Variants in RALGPS1 observed in about 807,000 individuals in gnomAD.
The protein encoded by RALGPS1 is ras-specific guanine nucleotide-releasing factor RalGPS1.
Under a neutral mutation model 78.8 loss-of-function variants are expected in RALGPS1, and 19 were observed. The ratio of observed to expected loss-of-function variants is 0.24; its 90% CI spans 0.17 to 0.35. The LOEUF is 0.35. RALGPS1 is among the 10% of genes least tolerant of loss of function. RALGPS1 has a pLI of 1.00. For synonymous variants in RALGPS1, 228 were observed against 256.3 expected (o/e 0.89, Z 1.06); for missense variants, 454 against 688.3 (o/e 0.66, Z 3.81).
At chr9:126,967,695 C>T (rs919148548) in intron 3 of RALGPS1, among the ~76,000 whole-genome samples, 2 of 152,110 alleles carry the variant, frequency 1.3e-5, no homozygotes, top group African/African-American at 2.4e-5. Flanking sequence ...TACCACCATG[C>T]CCTGCTAATT....
chr9:126,942,523 C>A (rs906851568), intron 1 of RALGPS1, among the ~76,000 whole-genome samples: 3 of 152,198 alleles, frequency 2.0e-5, no homozygotes, highest in Non-Finnish European at 4.4e-5. Flanking sequence ...ATATGCTACT[C>A]CTCACATATA....
chr9:127,052,740 T>C, intron 6 of RALGPS1, 107 bp from the exon 7 acceptor site: 1 of 715,792 alleles, frequency 1.4e-6, no homozygotes, highest in Non-Finnish European at 2.4e-6. Context: ...ATGAGATATT[T>C]TTAAGTGTAA....
In RALGPS1 at chr9:127,122,183, G is replaced by A. The variant is rs552383939; in HGVS notation, c.611-43886G>A. 2.6e-5 allele frequency: 4 copies of A among 152,394 alleles called. No homozygotes were observed. Among genetic ancestry groups the A allele is most frequent in the East Asian group, 1.9e-4 (1 of 5,164 alleles). The allele number at this position is 152,394 out of a possible 1,614,324, so 9.4% of individuals were successfully genotyped here. A position where few individuals can be genotyped will look rare whatever the true frequency, so the allele number is the denominator to read the frequency against. Reference sequence around the variant, plus strand: ...ATGCCTCGTTTGGCTCCAAGCGATAGCAGGGAGTGACCCTCTGAGATCCAG... The same window carrying A: ...ATGCCTCGTTTGGCTCCAAGCGATAACAGGGAGTGACCCTCTGAGATCCAG... On this transcript the variant is annotated intron_variant, in intron 8 of 18. Transcript: ENST00000259351. This position sits in a 1 kb window ranked among gnomAD's most constrained non-coding sequence, Gnocchi z 6.4.
chr9:127,209,622 C>T (rs1312286825), intron 14 of RALGPS1, among the ~76,000 whole-genome samples: 3 of 152,098 alleles, frequency 2.0e-5, no homozygotes, highest in African/African-American at 2.4e-5. Context: ...GCAGGAGGCT[C>T]GGGGGCCTGG....
intron 4 of RALGPS1, among the ~76,000 whole-genome samples, chr9:127,021,959 A>G (rs1412203859): frequency 6.6e-6 from 1 of 152,072 alleles, no homozygotes; most frequent in Admixed American, 6.6e-5. Context: ...GGAAATTTGC[A>G]TCATCTTCCT....
intron 8 of RALGPS1, among the ~76,000 whole-genome samples, chr9:127,162,837 A>G (rs2059098368): frequency 6.6e-6 from 1 of 152,174 alleles, no homozygotes; most frequent in East Asian, 1.9e-4. Flanking sequence ...TACTTGAGAA[A>G]AGGCAACTCC....
chr9:126,975,343 T>C (rs1322239872), intron 3 of RALGPS1, among the ~76,000 whole-genome samples: 1 of 152,244 alleles, frequency 6.6e-6, no homozygotes, highest in African/African-American at 2.4e-5. Flanking sequence ...AAATGTAAGG[T>C]CACTGCTTTA....
intron 8 of RALGPS1, among the ~76,000 whole-genome samples, chr9:127,082,978 G>A (rs1000948594): frequency 6.6e-6 from 1 of 152,190 alleles, no homozygotes; most frequent in African/African-American, 2.4e-5. Flanking sequence ...ATGTTAGTTA[G>A]CCACCTGGGC....
At chr9:127,161,108 G>A (rs545166277) in intron 8 of RALGPS1, among the ~76,000 whole-genome samples, 6 of 152,378 alleles carry the variant, frequency 3.9e-5, no homozygotes, top group African/African-American at 1.2e-4. Flanking sequence ...GTAACTCTGT[G>A]TAAATAGGAA....
chr9:127,154,686 G>A (rs997419913), intron 8 of RALGPS1, among the ~76,000 whole-genome samples: 3 of 152,222 alleles, frequency 2.0e-5, no homozygotes, highest in Admixed American at 1.3e-4. Flanking sequence ...AATGAGTAAA[G>A]CTGACAGTTT....
intron 4 of RALGPS1, among the ~76,000 whole-genome samples, chr9:127,003,654 A>G (rs1015055161): frequency 5.3e-5 from 8 of 152,180 alleles, no homozygotes; most frequent in African/African-American, 1.9e-4. Context: ...TATTTAGCTT[A>G]ATAGATACTG....
intron 8 of RALGPS1, among the ~76,000 whole-genome samples, chr9:127,118,445 T>C (rs1055537973): frequency 5.9e-5 from 9 of 152,252 alleles, no homozygotes; most frequent in African/African-American, 2.2e-4. Context: ...AGAAATGCTA[T>C]TCAATGAATT....
chr9:127,108,183 G>A (rs749980712), intron 8 of RALGPS1: 37 of 1,613,980 alleles, frequency 2.3e-5, no homozygotes, highest in Middle Eastern at 3.3e-4. Flanking sequence ...CCAGGTGCTG[G>A]TACTTGTGCT....
intron 3 of RALGPS1, among the ~76,000 whole-genome samples, chr9:126,975,014 A>G (rs1273444876): frequency 1.3e-5 from 2 of 151,670 alleles, no homozygotes; most frequent in South Asian, 2.1e-4. Context: ...TCAAACTTCC[A>G]GGGAAGGATT....
chr9:127,212,929 G>T lies in RALGPS1; in HGVS notation c.1447-15G>T. ...CTGGGCCCCGGTCTCCGGATGTGTT[G>T]TTGCTCTCCTCCAGTATAAATCCAC... is the stretch of plus-strand genomic sequence containing the variant. On this transcript the variant is annotated splice_polypyrimidine_tract_variant and intron_variant, in intron 16 of 18. Coordinates refer to ENST00000259351, the MANE Select transcript of RALGPS1 (RefSeq NM_014636.3). This position sits in a 1 kb window ranked among gnomAD's most constrained non-coding sequence, Gnocchi z 6.0. The T allele has an allele frequency of 6.2e-7, 1 of 1,614,122 alleles. No individual in the cohort carries two copies. Among genetic ancestry groups the T allele is most frequent in the Non-Finnish European group, 8.5e-7 (1 of 1,180,016 alleles).
intron 8 of RALGPS1, among the ~76,000 whole-genome samples, chr9:127,144,203 C>CT (rs1458735669): frequency 3.3e-5 from 5 of 152,218 alleles, no homozygotes; most frequent in Admixed American, 6.5e-5. Context: ...CTGTCCCCCT[C>CT]TAACAGTGCT....
intron 7 of RALGPS1, among the ~76,000 whole-genome samples, chr9:127,063,395 A>C (rs1471080900): frequency 6.6e-6 from 1 of 152,194 alleles, no homozygotes; most frequent in Non-Finnish European, 1.5e-5. Flanking sequence ...AAATGATTCA[A>C]AATTAATAAG....
At chr9:127,127,853 C>T (rs1383876849) in intron 8 of RALGPS1, among the ~76,000 whole-genome samples, 2 of 124,750 alleles carry the variant, frequency 1.6e-5, no homozygotes, top group Non-Finnish European at 3.8e-5. Flanking sequence ...ACACGATTGT[C>T]CTGAAAAAAA....
At chr9:127,026,800 C>T (rs1339559268) in intron 4 of RALGPS1, among the ~76,000 whole-genome samples, 1 of 152,228 alleles carries the variant, frequency 6.6e-6, no homozygotes, top group Non-Finnish European at 1.5e-5. Flanking sequence ...AGCAGGTTGC[C>T]CACACTGCAG....
Sources: allele counts gnomAD v4.1 joint callset (sites outside exome capture counted in the v4.1 genomes callset), GRCh38; gene constraint gnomAD v4.1.1; non-coding constraint Gnocchi (gnomAD v3.1); transcripts MANE v1.5; gene names NCBI Gene and HGNC (gene_info 2026-07-23, HGNC 2026-07-21).